The following ZSWIM6 variants were observed in gnomAD, a reference collection of about 807,000 sequenced individuals.
ZSWIM6 encodes the protein zinc finger SWIM domain-containing protein 6.
In ZSWIM6, 9 loss-of-function variants were observed where a neutral mutation model predicts 113.2. The ratio of observed to expected loss-of-function variants is 0.08; its 90% CI spans 0.05 to 0.14. The LOEUF is 0.14. Among genes scored for constraint, ZSWIM6 ranks in the 10% least tolerant of loss-of-function variants. ZSWIM6 has a pLI of 1.00. For synonymous variants in ZSWIM6, 611 were observed against 606.5 expected, an observed-to-expected ratio of 1.01 and a Z score of -0.11; for missense variants, 1,162 against 1,552.2, an observed-to-expected ratio of 0.75 and a Z score of 4.22.
At chr5:61,419,465 T>A (rs1746314333) in intron 1 of ZSWIM6, among the ~76,000 whole-genome samples, 1 of 152,224 alleles carries the variant, frequency 6.6e-6, no homozygotes, top group South Asian at 2.1e-4. Context: ...AATATTAAGC[T>A]CTGCTTCCAG....
intron 2 of ZSWIM6, among the ~76,000 whole-genome samples, chr5:61,490,045 T>C (rs577699912): frequency 2.8e-4 from 42 of 152,198 alleles, no homozygotes; most frequent in African/African-American, 9.6e-4. Flanking sequence ...CTTATGAATC[T>C]TAGACCTTAA....
chr5:61,536,197 C>T (rs926639289), intron 10 of ZSWIM6, among the ~76,000 whole-genome samples: 1 of 152,214 alleles, frequency 6.6e-6, no homozygotes, highest in Non-Finnish European at 1.5e-5. Context: ...ATCTCCTCAT[C>T]GGTCTCTCCT....
chr5:61,410,888 C>T (rs1271328226), intron 1 of ZSWIM6, among the ~76,000 whole-genome samples: 4 of 152,176 alleles, frequency 2.6e-5, no homozygotes, highest in South Asian at 2.1e-4. Context: ...TTAATCTCAT[C>T]GTGTCTTAGT....
chr5:61,528,071 C>T (rs185070791), intron 7 of ZSWIM6, among the ~76,000 whole-genome samples: 13 of 152,096 alleles, frequency 8.5e-5, no homozygotes, highest in Admixed American at 5.9e-4. Flanking sequence ...GCTAGGATTA[C>T]ATGTCTATAC....
In ZSWIM6 at chr5:61,471,299, TGAGAGA is replaced by T. The variant is rs1026966589; in HGVS notation, c.677-1372_677-1367del. On this transcript the variant is annotated intron_variant, in intron 1 of 13. Transcript: ENST00000252744. ...TATCCTTGGCCACTGAATATGGCTT[TGAGAGA>T]GAGAGAGAGGGTGGAACTGAATGGA... is the stretch of plus-strand genomic sequence containing the variant. 4.0e-5 allele frequency among the ~76,000 whole-genome samples: 6 copies of T among 151,200 alleles called. 1 individual carries two copies. In the South Asian group the frequency reaches 1.3e-3, roughly 32 times the overall value.
chr5:61,373,372 C>CTTTTTTT (rs748556109), intron 1 of ZSWIM6, among the ~76,000 whole-genome samples: 42 of 102,936 alleles, frequency 4.1e-4, no homozygotes, highest in African/African-American at 6.1e-4. Flanking sequence ...CTCAGTATTT[C>CTTTTTTT]TTTTTTTTTT....
intron 2 of ZSWIM6, among the ~76,000 whole-genome samples, chr5:61,483,309 A>G (rs900638188): frequency 6.6e-6 from 1 of 152,194 alleles, no homozygotes. Flanking sequence ...AGAATGGATT[A>G]ATACATTCAC....
At chr5:61,479,174 A>C (rs1481867940) in intron 2 of ZSWIM6, among the ~76,000 whole-genome samples, 1 of 152,102 alleles carries the variant, frequency 6.6e-6, no homozygotes, top group Non-Finnish European at 1.5e-5. Flanking sequence ...CTGTCTCAAA[A>C]AAAAAAAAAG....
In ZSWIM6 at chr5:61,364,821, C is replaced by T. The variant is rs565443706; in HGVS notation, c.676+31873C>T. 3.3e-5 allele frequency among the ~76,000 whole-genome samples: 5 copies of T among 152,228 alleles called. No homozygotes were observed. The South Asian group carries it at 6.2e-4, about 19-fold the overall frequency. On this transcript the variant is annotated intron_variant, in intron 1 of 13. Transcript: ENST00000252744. ...GAGGGTTCTGCCCTCATGACCTAATCGTCCCTCAGAGGTTCTACCACCTAA... is the reference window on the plus strand; with the variant it reads ...GAGGGTTCTGCCCTCATGACCTAATTGTCCCTCAGAGGTTCTACCACCTAA...
chr5:61,418,175 A>C (rs902504919), intron 1 of ZSWIM6, among the ~76,000 whole-genome samples: 3 of 152,242 alleles, frequency 2.0e-5, no homozygotes, highest in African/African-American at 7.2e-5. Context: ...CTTTGTTCAT[A>C]GCACTCATAA....
chr5:61,453,378 C>CTCT (rs777402516), intron 1 of ZSWIM6, among the ~76,000 whole-genome samples: 61 of 135,892 alleles, frequency 4.5e-4, no homozygotes, highest in Non-Finnish European at 6.6e-4. Context: ...CTCTCTCTCT[C>CTCT]TTTTTTTTTT....
chr5:61,382,222 T>C (rs563844842), intron 1 of ZSWIM6, among the ~76,000 whole-genome samples: 1 of 152,322 alleles, frequency 6.6e-6, no homozygotes, highest in Non-Finnish European at 1.5e-5. Context: ...AGCCAGAAAA[T>C]GCATCTTTAA....
At chr5:61,446,009 A>G (rs1746945159) in intron 1 of ZSWIM6, among the ~76,000 whole-genome samples, 2 of 152,228 alleles carry the variant, frequency 1.3e-5, no homozygotes, top group African/African-American at 4.8e-5. Flanking sequence ...ATCTATGCAG[A>G]ATAGCAAACG....
chr5:61,432,062 C>T (rs923769945), intron 1 of ZSWIM6, among the ~76,000 whole-genome samples: 3 of 152,112 alleles, frequency 2.0e-5, no homozygotes, highest in East Asian at 1.9e-4. Context: ...TAATTTGATG[C>T]TTTGAGGCAT....
chr5:61,537,905 T>C (rs1749622175), intron 10 of ZSWIM6, among the ~76,000 whole-genome samples: 1 of 152,238 alleles, frequency 6.6e-6, no homozygotes, highest in African/African-American at 2.4e-5. Flanking sequence ...ACTAAATATT[T>C]GCTTTGCTTT....
intron 1 of ZSWIM6, among the ~76,000 whole-genome samples, chr5:61,363,857 C>G (rs1419150654): frequency 7.2e-6 from 1 of 139,096 alleles, no homozygotes; most frequent in Non-Finnish European, 1.6e-5. Flanking sequence ...TTTCCTTTTC[C>G]TTCCTTCCTT....
In ZSWIM6 at chr5:61,526,255, G is replaced by A. The variant is rs1012794487; in HGVS notation, c.1696G>A (p.Val566Ile). Residue 566 changes from valine to isoleucine, a missense_variant, in exon 7 of 14, where the codon GTT becomes ATT. Coordinates refer to ENST00000252744, the MANE Select transcript of ZSWIM6 (RefSeq NM_020928.2). ...SRGWPLWHEH[V>I]PTACARVDAL... ...CCCTTGACTTTCTGTTTTAGAACAT[G>A]TTCCTACAGCCTGTGCAAGAGTGGA... The A allele has an allele frequency of 1.3e-6, 2 of 1,548,510 alleles. No homozygotes were observed. The highest frequency in any genetic ancestry group is 1.7e-6 in the Non-Finnish European group (2 of 1,146,108).
intron 1 of ZSWIM6, among the ~76,000 whole-genome samples, chr5:61,450,038 C>T (rs568360470): frequency 3.3e-4 from 51 of 152,270 alleles, no homozygotes; most frequent in Admixed American, 1.7e-3. Context: ...GAATAGTTTC[C>T]TTTTTAGGAA....
At chr5:61,454,965 C>T (rs1404807949) in intron 1 of ZSWIM6, among the ~76,000 whole-genome samples, 2 of 151,706 alleles carry the variant, frequency 1.3e-5, no homozygotes, top group African/African-American at 4.8e-5. Context: ...TGTCCCAGTC[C>T]TAGAATCAGG....
Sources: allele counts gnomAD v4.1 joint callset (sites outside exome capture counted in the v4.1 genomes callset), GRCh38; gene constraint gnomAD v4.1.1; transcripts MANE v1.5; gene names NCBI Gene and HGNC (gene_info 2026-07-23, HGNC 2026-07-21).